GLI2: variants seen among roughly 807,000 people sequenced by gnomAD.
GLI2 encodes GLI family zinc finger 2, also known as transcription activator GLI2.
A neutral mutation model predicts 78.9 loss-of-function variants in GLI2; 22 were observed. The ratio of observed to expected loss-of-function variants is 0.28; its 90% confidence interval spans 0.20 to 0.40. The LOEUF (loss-of-function observed/expected upper bound fraction) is 0.40. Ranked by LOEUF, GLI2 falls within the 10% of genes least tolerant of loss-of-function variation. The probability of loss-of-function intolerance (pLI) is 1.00; values close to 1 mark genes in which losing one functional copy is unlikely to be tolerated. For missense variants in GLI2, 2,097 were observed against 2,213.2 expected, an observed-to-expected ratio of 0.95 and a Z score of 1.05; for synonymous variants, 974 against 963.7, an observed-to-expected ratio of 1.01 and a Z score of -0.20.
At chr2:120,756,460 CA>C (rs1385069047) in intron 1 of GLI2, among the ~76,000 whole-genome samples, 3 of 152,122 alleles carry the variant, frequency 2.0e-5, no homozygotes, top group African/African-American at 7.2e-5. Flanking sequence ...TCAGTGAATA[CA>C]GATAGTTTTA....
rs1036022918 is a variant in GLI2 at position 120,764,559 on chromosome 2, A to T, written c.-31+28274A>T. Reference sequence around the variant, plus strand: ...GTATTGGAGGGACCACTGGCTGCAGACAAGCCTGACTTGGTGTCCTTTGCT... The same window carrying T: ...GTATTGGAGGGACCACTGGCTGCAGTCAAGCCTGACTTGGTGTCCTTTGCT... On this transcript the variant is annotated intron_variant, in intron 1 of 13. Coordinates refer to ENST00000361492, the MANE Select transcript of GLI2 (RefSeq NM_001374353.1). Among the ~76,000 whole-genome samples the T allele has an allele frequency of 6.6e-5, 10 of 152,302 alleles. No homozygotes were observed. In the East Asian group the frequency reaches 1.9e-3, roughly 29 times the overall value.
intron 2 of GLI2, among the ~76,000 whole-genome samples, chr2:120,877,710 T>A (rs1455871682): frequency 6.6e-6 from 1 of 152,248 alleles, no homozygotes; most frequent in Non-Finnish European, 1.5e-5. Context: ...TTGCTCTTCT[T>A]ATTGTTGAAT....
At chr2:120,829,935 G>A (rs1038791375) in intron 2 of GLI2, among the ~76,000 whole-genome samples, 10 of 152,184 alleles carry the variant, frequency 6.6e-5, no homozygotes, top group African/African-American at 2.2e-4. Context: ...GGGAGGGGGC[G>A]CATGTTTTGC....
intron 2 of GLI2, among the ~76,000 whole-genome samples, chr2:120,859,173 A>C (rs556340649): frequency 6.6e-6 from 1 of 152,346 alleles, no homozygotes; most frequent in South Asian, 2.1e-4. Flanking sequence ...AAACGTCTGA[A>C]AATGTCAGGG....
intron 2 of GLI2, among the ~76,000 whole-genome samples, chr2:120,834,948 C>G (rs17005273): frequency 6.6e-6 from 1 of 152,154 alleles, no homozygotes; most frequent in East Asian, 1.9e-4. Context: ...CATGGGTCCT[C>G]ACTCTTCAGC....
At chr2:120,801,900 T>C (rs769491564) in intron 2 of GLI2, among the ~76,000 whole-genome samples, 33 of 152,234 alleles carry the variant, frequency 2.2e-4, no homozygotes, top group Non-Finnish European at 3.5e-4. Context: ...GCCTCTCACA[T>C]GGTGAGAGTC....
chr2:120,802,677 A>T (rs1208866986), intron 2 of GLI2, among the ~76,000 whole-genome samples: 1 of 152,150 alleles, frequency 6.6e-6, no homozygotes, highest in Non-Finnish European at 1.5e-5. Context: ...CCTCTGGGAT[A>T]ATATGAAAGG....
intron 1 of GLI2, among the ~76,000 whole-genome samples, chr2:120,775,993 C>T (rs895777451): frequency 1.3e-5 from 2 of 152,238 alleles, no homozygotes; most frequent in Non-Finnish European, 2.9e-5. Flanking sequence ...AAATCGCTTT[C>T]CTGGGCTTAG....
At chr2:120,797,795 C>T (rs910073837) in intron 2 of GLI2, among the ~76,000 whole-genome samples, 2 of 152,202 alleles carry the variant, frequency 1.3e-5, no homozygotes, top group African/African-American at 4.8e-5. Flanking sequence ...GTGCGTGCAG[C>T]TGGCACATTT....
chr2:120,844,847 GTCC>G (rs1448960587), intron 2 of GLI2, among the ~76,000 whole-genome samples: 1 of 152,134 alleles, frequency 6.6e-6, no homozygotes, highest in African/African-American at 2.4e-5. Flanking sequence ...CCCACATAGT[GTCC>G]TGAAAATAAG....
At chr2:120,757,757 A>G (rs897013099) in intron 1 of GLI2, among the ~76,000 whole-genome samples, 2 of 152,030 alleles carry the variant, frequency 1.3e-5, no homozygotes, top group African/African-American at 4.8e-5. Flanking sequence ...GGAATCCACC[A>G]AGCTCTGCCT....
At chr2:120,752,943 A>G (rs952852415) in intron 1 of GLI2, among the ~76,000 whole-genome samples, 16 of 152,298 alleles carry the variant, frequency 1.1e-4, no homozygotes, top group Admixed American at 2.6e-4. Context: ...TTTAGTAGCT[A>G]TTGATGAACA....
chr2:120,753,763 T>C (rs1199124827), intron 1 of GLI2, among the ~76,000 whole-genome samples: 1 of 151,694 alleles, frequency 6.6e-6, no homozygotes, highest in Admixed American at 6.6e-5. Flanking sequence ...CCGGGCGAGG[T>C]GGCGGGCGCC....
chr2:120,836,116 C>G (rs1686598102), intron 2 of GLI2, among the ~76,000 whole-genome samples: 1 of 152,186 alleles, frequency 6.6e-6, no homozygotes, highest in African/African-American at 2.4e-5. Context: ...CATGGCCCCC[C>G]CATCTGGGCT....
chr2:120,980,723 G>A (rs975922699), intron 10 of GLI2, among the ~76,000 whole-genome samples: 1 of 152,024 alleles, frequency 6.6e-6, no homozygotes, highest in Non-Finnish European at 1.5e-5. Flanking sequence ...TTACCTCTAT[G>A]TTTTCTTCTA....
chr2:120,834,600 A>G (rs1411017360), intron 2 of GLI2, among the ~76,000 whole-genome samples: 1 of 152,204 alleles, frequency 6.6e-6, no homozygotes, highest in Non-Finnish European at 1.5e-5. Context: ...TCGAAGCCCC[A>G]GATGTGAGAA....
rs1320649360 is a variant in GLI2 at position 120,989,315 on chromosome 2, C to T, written c.3350C>T (p.Pro1117Leu). The change falls in exon 14 of 14, where the codon CCC (proline) becomes CTC (leucine). Residue 1117 changes from proline to leucine, a missense_variant. By Grantham distance (98) the Pro-to-Leu change is moderately conservative. This residue lies in a region of GLI2 where 1,290 missense variants were observed against 1,261.7 expected (regional missense o/e 1.02). Coordinates refer to ENST00000361492, the MANE Select transcript of GLI2 (RefSeq NM_001374353.1). ...GGATGCCAGTTAGGCTTTGGGGCGCCCTCCAGCCTGAACAAAAATAACATG... is the reference window on the plus strand; with the variant it reads ...GGATGCCAGTTAGGCTTTGGGGCGCTCTCCAGCCTGAACAAAAATAACATG... ...LGGCQLGFGAPSSLNKNNMPV... is the reference protein window; with the variant it reads ...LGGCQLGFGALSSLNKNNMPV... 3 of 1,613,068 alleles carry T rather than the reference C, an allele frequency of 1.9e-6. No individual in the cohort carries two copies. The highest frequency in any genetic ancestry group is 1.3e-5 in the African/African-American group (1 of 75,058).
intron 2 of GLI2, among the ~76,000 whole-genome samples, chr2:120,864,410 C>G (rs979274504): frequency 6.6e-6 from 1 of 152,176 alleles, no homozygotes; most frequent in African/African-American, 2.4e-5. Flanking sequence ...CCATGTGTCT[C>G]GATGGCTGAA....
At chr2:120,974,874 C>A (rs903981686) in intron 8 of GLI2, 101 bp from the exon 9 acceptor site, 1 of 1,570,266 alleles carries the variant, frequency 6.4e-7, no homozygotes, top group Non-Finnish European at 8.8e-7. Context: ...CTGTAACAGC[C>A]CAGGGTCCTT....
Sources: allele counts gnomAD v4.1 joint callset (sites outside exome capture counted in the v4.1 genomes callset), GRCh38; gene constraint gnomAD v4.1.1; regional missense constraint gnomAD v4.1.1; transcripts MANE v1.5; gene names NCBI Gene and HGNC (gene_info 2026-07-23, HGNC 2026-07-21).